Variants in LRP1B observed in about 807,000 individuals in gnomAD.
LRP1B encodes the protein LDL receptor related protein 1B.
In LRP1B, 217 loss-of-function variants were observed where a neutral mutation model predicts 556.6. The observed-to-expected ratio is 0.39, with a 90% confidence interval of 0.35 to 0.44. The LOEUF (loss-of-function observed/expected upper bound fraction) is 0.44. Ranked by LOEUF, LRP1B falls within the 20% of genes least tolerant of loss-of-function variation. The pLI is 1.00. For synonymous variants in LRP1B, 2,047 were observed against 1,865.8 expected (o/e 1.10, Z -2.50); for missense variants, 5,053 against 5,620.8 (o/e 0.90, Z 3.23).
intron 3 of LRP1B, among the ~76,000 whole-genome samples, chr2:141,464,125 T>G (rs1682064434): frequency 1.3e-5 from 2 of 152,032 alleles, no homozygotes; most frequent in African/African-American, 4.8e-5. Flanking sequence ...AAGACATCAT[T>G]AGCCTCATCC....
At chr2:141,519,960 T>A in intron 2 of LRP1B, among the ~76,000 whole-genome samples, 1 of 152,104 alleles carries the variant, frequency 6.6e-6, no homozygotes, top group East Asian at 1.9e-4. Flanking sequence ...AGGGGAAGAA[T>A]AAGTAAAATA....
intron 2 of LRP1B, among the ~76,000 whole-genome samples, chr2:141,700,383 C>A (rs547171653): frequency 2.0e-5 from 3 of 151,886 alleles, no homozygotes; most frequent in African/African-American, 7.2e-5. Flanking sequence ...AAGGAAAACA[C>A]AAGAAGAAGC....
chr2:141,145,326 G>C (rs2105067073), intron 7 of LRP1B, among the ~76,000 whole-genome samples: 1 of 151,994 alleles, frequency 6.6e-6, no homozygotes, highest in East Asian at 1.9e-4. Flanking sequence ...GAGTTATACT[G>C]TATATAAGTG....
At chr2:140,314,373 G>A (rs1684429178) in intron 83 of LRP1B, among the ~76,000 whole-genome samples, 1 of 151,966 alleles carries the variant, frequency 6.6e-6, no homozygotes. Context: ...AACACTTTCT[G>A]CAAGCATAGC....
At chr2:141,698,197 A>T (rs1283252947) in intron 2 of LRP1B, among the ~76,000 whole-genome samples, 1 of 151,856 alleles carries the variant, frequency 6.6e-6, no homozygotes, top group East Asian at 1.9e-4. Flanking sequence ...AAAGTCACTC[A>T]GTGATTGCTT....
At chr2:140,589,639 C>T (rs1034037439) in intron 43 of LRP1B, among the ~76,000 whole-genome samples, 3 of 152,160 alleles carry the variant, frequency 2.0e-5, no homozygotes, top group South Asian at 2.1e-4. Flanking sequence ...ATATTTGCAA[C>T]AACCTGAATG....
intron 2 of LRP1B, among the ~76,000 whole-genome samples, chr2:141,809,463 C>T (rs1216301440): frequency 6.6e-6 from 1 of 151,744 alleles, no homozygotes; most frequent in Non-Finnish European, 1.5e-5. Context: ...CTGAAGAGCA[C>T]AGGTTGATAT....
chr2:141,054,901 A>G (rs892462200), intron 10 of LRP1B, among the ~76,000 whole-genome samples: 1 of 151,996 alleles, frequency 6.6e-6, no homozygotes, highest in East Asian at 1.9e-4. Context: ...CCCTAAAATC[A>G]ATAAATTTAG....
chr2:141,339,402 T>C (rs2683838), intron 3 of LRP1B, among the ~76,000 whole-genome samples: 89,845 of 151,984 alleles, frequency 0.59, 27,443 homozygotes, highest in African/African-American at 0.68. Flanking sequence ...AGATTAAGTC[T>C]TGAGACAATT....
intron 16 of LRP1B, among the ~76,000 whole-genome samples, chr2:140,990,562 A>T (rs962730961): frequency 1.6e-4 from 8 of 50,740 alleles, no homozygotes; most frequent in Non-Finnish European, 2.8e-4. Context: ...GTATTACTTA[A>T]AAAAAAAAAA....
At chr2:141,589,522 C>T (rs1687259724) in intron 2 of LRP1B, among the ~76,000 whole-genome samples, 1 of 152,126 alleles carries the variant, frequency 6.6e-6, no homozygotes, top group Non-Finnish European at 1.5e-5. Flanking sequence ...GTCTTCACAG[C>T]CCCATCCCCT....
At chr2:140,643,011 G>C (rs1684357688) in intron 41 of LRP1B, among the ~76,000 whole-genome samples, 1 of 151,854 alleles carries the variant, frequency 6.6e-6, no homozygotes, top group African/African-American at 2.4e-5. Flanking sequence ...GTTTTAAAGG[G>C]GTTGTGAACA....
At chr2:141,059,672 G>A (rs1699283861) in intron 8 of LRP1B, among the ~76,000 whole-genome samples, 1 of 151,714 alleles carries the variant, frequency 6.6e-6, no homozygotes, top group Admixed American at 6.6e-5. Context: ...ATTTATCATA[G>A]GAAATAGAAC....
At chr2:141,844,050 C>G (rs1162171098) in intron 1 of LRP1B, among the ~76,000 whole-genome samples, 1 of 152,096 alleles carries the variant, frequency 6.6e-6, no homozygotes, top group Non-Finnish European at 1.5e-5. Flanking sequence ...TCACACTGCA[C>G]TATGAGCAAT....
Position 140,264,702 on chromosome 2 carries a change from A to ATGTG in LRP1B, c.13247+5536_13247+5539dup, listed in dbSNP as rs3033314. Among the ~76,000 whole-genome samples the ATGTG allele has an allele frequency of 2.2e-3, 331 of 148,950 alleles. 4 individuals are homozygous for ATGTG. The highest frequency in any genetic ancestry group is 0.016 in the East Asian group (81 of 4,968). On this transcript the variant is annotated intron_variant, in intron 86 of 90. Coordinates refer to ENST00000389484, the MANE Select transcript of LRP1B (RefSeq NM_018557.3). ...TGACAAAAAAAAAAATTGTCTATAT[A>ATGTG]TGTGTGTGTGTGTGTGTGTGTGTGT...
At chr2:140,970,225 T>C (rs1362199152) in intron 18 of LRP1B, among the ~76,000 whole-genome samples, 8 of 152,206 alleles carry the variant, frequency 5.3e-5, no homozygotes, top group Admixed American at 4.6e-4. Flanking sequence ...TTCATTTCTT[T>C]TTACTCTTTT....
chr2:141,949,653 G>T (rs886486557), intron 1 of LRP1B, among the ~76,000 whole-genome samples: 1 of 152,156 alleles, frequency 6.6e-6, no homozygotes, highest in African/African-American at 2.4e-5. Flanking sequence ...CTCCCAAAGT[G>T]CTGGGATTAT....
intron 1 of LRP1B, among the ~76,000 whole-genome samples, chr2:142,047,685 G>A (rs1704308701): frequency 1.3e-5 from 2 of 151,870 alleles, no homozygotes; most frequent in Admixed American, 6.6e-5. Context: ...CCATGTGAAT[G>A]ACTTCTGGCC....
At chr2:141,667,022 A>G (rs1051348354) in intron 2 of LRP1B, among the ~76,000 whole-genome samples, 13 of 151,788 alleles carry the variant, frequency 8.6e-5, no homozygotes, top group African/African-American at 2.9e-4. Context: ...ATTCATGACT[A>G]TGGATAAGGT....
Sources: gnomAD v4.1 joint callset for allele counts (sites outside exome capture counted in the v4.1 genomes callset) on GRCh38, gnomAD v4.1.1 for gene constraint, MANE v1.5 for transcripts, NCBI Gene and HGNC (gene_info 2026-07-23, HGNC 2026-07-21) for gene names.